MYH13: variants seen among roughly 807,000 people sequenced by gnomAD.
The protein encoded by MYH13 is myosin-13.
MYH13 carries 177 observed loss-of-function variants against 232.1 expected under a neutral mutation model. The observed-to-expected ratio is 0.76, with a 90% CI of 0.67 to 0.86. MYH13 has a LOEUF of 0.86. Ranked by LOEUF, MYH13 falls within the 40% of genes least tolerant of loss-of-function variation. MYH13 has a pLI of 0.00. For synonymous variants in MYH13, 884 were observed against 923.5 expected, an observed-to-expected ratio of 0.96 and a Z score of 0.78; for missense variants, 2,246 against 2,405.9, an observed-to-expected ratio of 0.93 and a Z score of 1.39.
intron 18 of MYH13, among the ~76,000 whole-genome samples, chr17:10,338,008 G>A (rs1050308409): frequency 3.3e-5 from 5 of 152,086 alleles, no homozygotes; most frequent in Non-Finnish European, 5.9e-5. Context: ...AGCCGAGATC[G>A]TGCCACTACA....
At position 10,319,090 on chromosome 17, in the gene MYH13, T is replaced by C; in HGVS notation, c.3438A>G (p.Glu1146=). ...IEKQRSDLAR[E]LEEISERLEE... ...CCAGCCTCTCGCTGATCTCCTCCAG[T>C]TCCCTGGCCAGATCTGAGCGCTGCT... Residue 1146 remains glutamate (E), a synonymous_variant, in exon 27 of 41, where the codon GAA becomes GAG. Coordinates refer to ENST00000252172, the MANE Select transcript of MYH13 (RefSeq NM_003802.3). 6.2e-7 allele frequency: 1 copy of C among 1,614,132 alleles called. No homozygotes were observed. The highest frequency in any genetic ancestry group is 8.5e-7 in the Non-Finnish European group (1 of 1,180,006).
chr17:10,323,892 C>T (rs908081547), intron 23 of MYH13, 130 bp downstream of exon 23: 13 of 1,275,580 alleles, frequency 1.0e-5, no homozygotes, highest in Non-Finnish European at 1.4e-5. Flanking sequence ...CTACCCTTCA[C>T]CTTGACGCCA....
chr17:10,344,387 A>G (rs1001158793), intron 15 of MYH13, among the ~76,000 whole-genome samples: 14 of 152,230 alleles, frequency 9.2e-5, no homozygotes, highest in African/African-American at 3.4e-4. Context: ...ACAAAAAAGT[A>G]AAGTTTCATA....
chr17:10,330,818 A>C (rs1382497206), intron 20 of MYH13, among the ~76,000 whole-genome samples: 1 of 151,832 alleles, frequency 6.6e-6, no homozygotes, highest in African/African-American at 2.4e-5. Context: ...GGAGTTCGAG[A>C]CCAGCCTGGC....
intron 18 of MYH13, among the ~76,000 whole-genome samples, chr17:10,337,796 T>C (rs1451059356): frequency 6.6e-6 from 1 of 152,206 alleles, no homozygotes; most frequent in Non-Finnish European, 1.5e-5. Flanking sequence ...GGCTCACGCC[T>C]GTAATCCCAG....
chr17:10,366,234 T>A (rs1307046172), intron 2 of MYH13, among the ~76,000 whole-genome samples: 1 of 151,986 alleles, frequency 6.6e-6, no homozygotes, highest in African/African-American at 2.4e-5. Context: ...CTACCTATTT[T>A]CCTCAAGTCT....
intron 35 of MYH13, among the ~76,000 whole-genome samples, chr17:10,308,278 C>T (rs921284730): frequency 1.3e-5 from 2 of 149,212 alleles, no homozygotes; most frequent in African/African-American, 2.5e-5. Context: ...GAACTGAGAT[C>T]GCACCACTGC....
At chr17:10,301,107 A>T in intron 40 of MYH13, 142 bp from the exon 41 acceptor site, 4 of 794,144 alleles carry the variant, frequency 5.0e-6, no homozygotes, top group Non-Finnish European at 8.2e-6. Flanking sequence ...TGAACATTGT[A>T]AAAGCAAATC....
Position 10,306,941 on chromosome 17 carries a change from C to A in MYH13, c.5293G>T (p.Asp1765Tyr), listed in dbSNP as rs1336008287. The stretch of plus-strand genomic sequence containing the variant: ...TGAAAAGGAAGAACAGAGCTCACAT[C>A]CGTGATGGCCTTCTTGGCCTTCTCC... ...AEEKAKKAIT[D>Y]AAMMAEELKK... The change falls in exon 36 of 41, where the codon GAT becomes TAT. Residue 1765 changes from aspartate to tyrosine, a missense_variant and splice_region_variant. Transcript: ENST00000252172. This position sits in a 1 kb window ranked among gnomAD's most constrained non-coding sequence, Gnocchi z 4.3. 2 of 1,613,508 alleles carry A rather than the reference C, an allele frequency of 1.2e-6. No homozygotes were observed. The highest frequency in any genetic ancestry group is 1.7e-6 in the Non-Finnish European group (2 of 1,179,934).
At chr17:10,364,740 C>CA (rs1190011804) in intron 2 of MYH13, among the ~76,000 whole-genome samples, 198 bp from the exon 3 acceptor site, 2 of 148,966 alleles carry the variant, frequency 1.3e-5, no homozygotes, top group African/African-American at 4.9e-5. Context: ...TTTATTCTAA[C>CA]AAAAAAGTAT....
rs761479310 is a variant in MYH13 at position 10,319,202 on chromosome 17, A to C, written c.3349-23T>G. The C allele has an allele frequency of 2.5e-6, 4 of 1,601,962 alleles. No individual in the cohort carries two copies. The Admixed American group carries it at 6.8e-5, about 27-fold the overall frequency. Reference sequence around the variant, plus strand: ...GGCCTGAAAGGATTACTCTATCAGGAATGTTATTGTGGAGGAGGGGGCAGC... The same window carrying C: ...GGCCTGAAAGGATTACTCTATCAGGCATGTTATTGTGGAGGAGGGGGCAGC... On this transcript the variant is annotated intron_variant, in intron 26 of 40. Transcript: ENST00000252172.
chr17:10,303,367 C>A, intron 38 of MYH13, 27 bp downstream of exon 38: 1 of 1,612,970 alleles, frequency 6.2e-7, no homozygotes, highest in South Asian at 1.1e-5. Context: ...ATACAGCATT[C>A]ACTGAGGAGG....
chr17:10,342,360 C>T (rs2071625011), intron 16 of MYH13, among the ~76,000 whole-genome samples: 1 of 152,104 alleles, frequency 6.6e-6, no homozygotes, highest in African/African-American at 2.4e-5. Flanking sequence ...CGCCTGGCCC[C>T]TGTGTAACCA....
At chr17:10,333,908 C>CAAA (rs796120788) in intron 18 of MYH13, among the ~76,000 whole-genome samples, 5 of 125,544 alleles carry the variant, frequency 4.0e-5, no homozygotes, top group African/African-American at 1.5e-4. Flanking sequence ...AACTGCACCT[C>CAAA]AAAAAAAAAA....
In MYH13 at chr17:10,362,472, G is replaced by T. The variant is rs766050837; in HGVS notation, c.236C>A (p.Pro79His). ...MLTLNNDQVF[P>H]MNPPKFDKIE... Reference sequence around the variant, plus strand: ...CTTGTCAAATTTGGGAGGGTTCATGGGGAAGACCTGGTCATTGTTCAGAGT... The same window carrying T: ...CTTGTCAAATTTGGGAGGGTTCATGTGGAAGACCTGGTCATTGTTCAGAGT... Residue 79 changes from proline to histidine, a missense_variant, in exon 4 of 41, where the codon CCC (proline) becomes CAC (histidine). Transcript: ENST00000252172. The T allele has an allele frequency of 6.2e-7, 1 of 1,614,172 alleles. No individual in the cohort carries two copies. The highest frequency in any genetic ancestry group is 8.5e-7 in the Non-Finnish European group (1 of 1,180,042).
At chr17:10,323,764 C>CAAAA (rs756659634) in intron 23 of MYH13, among the ~76,000 whole-genome samples, 3 of 90,254 alleles carry the variant, frequency 3.3e-5, no homozygotes, top group African/African-American at 4.7e-5. Flanking sequence ...CTCCATCTCA[C>CAAAA]AAAAAAAAAA....
chr17:10,336,667 C>G (rs1015084223), intron 18 of MYH13, among the ~76,000 whole-genome samples: 4 of 152,192 alleles, frequency 2.6e-5, no homozygotes, highest in African/African-American at 9.7e-5. Context: ...ACTTCCCTGT[C>G]CTGGTCACCT....
intron 26 of MYH13, among the ~76,000 whole-genome samples, chr17:10,319,951 T>G (rs1906871378): frequency 6.6e-6 from 1 of 152,154 alleles, no homozygotes; most frequent in African/African-American, 2.4e-5. Flanking sequence ...GGGCCTATTT[T>G]GAGCCTTTGC....
rs1208263691 is a variant in MYH13 at position 10,362,206 on chromosome 17, C to T, written c.417G>A (p.Val139=). 1 of 1,613,834 alleles carries T rather than the reference C, an allele frequency of 6.2e-7. No homozygotes were observed. Among genetic ancestry groups the T allele is most frequent in the Non-Finnish European group, 8.5e-7 (1 of 1,179,876 alleles). ...YKWLPVYKPE[V]VAAYRGKKRQ... Reference sequence around the variant, plus strand: ...GCTTTTTGCCTCTGTAGGCAGCCACCACCTCGGGCTTGTACACCGGCAGCC... The same window carrying T: ...GCTTTTTGCCTCTGTAGGCAGCCACTACCTCGGGCTTGTACACCGGCAGCC... The change falls in exon 5 of 41, where the codon GTG becomes GTA. Residue 139 remains valine (V), a synonymous_variant. Transcript: ENST00000252172.
Sources: allele counts gnomAD v4.1 joint callset (sites outside exome capture counted in the v4.1 genomes callset), GRCh38; gene constraint gnomAD v4.1.1; non-coding constraint Gnocchi (gnomAD v3.1); transcripts MANE v1.5; gene names NCBI Gene and HGNC (gene_info 2026-07-23, HGNC 2026-07-21).